Variants in MIPOL1 observed in about 807,000 individuals in gnomAD.
MIPOL1 encodes mirror-image polydactyly 1.
A neutral mutation model predicts 60.9 loss-of-function variants in MIPOL1; 57 were observed. The observed-to-expected ratio is 0.94, with a 90% CI of 0.76 to 1.17. MIPOL1 has a LOEUF of 1.17. Among genes scored for constraint, MIPOL1 ranks in the 50% most tolerant of loss-of-function variants. The pLI is 0.00. For missense variants in MIPOL1, 551 were observed against 511.6 expected, an observed-to-expected ratio of 1.08 and a Z score of -0.74; for synonymous variants, 179 against 168.8, an observed-to-expected ratio of 1.06 and a Z score of -0.47.
rs145433280 is a variant in MIPOL1 at position 37,436,320 on chromosome 14, G to A, written c.1031+13371G>A. Among the ~76,000 whole-genome samples, 760 of 152,164 alleles carry A rather than the reference G, an allele frequency of 5.0e-3. 5 individuals are homozygous for A. Among genetic ancestry groups the A allele is most frequent in the African/African-American group, 0.017 (717 of 41,526 alleles). On this transcript the variant is annotated intron_variant, in intron 11 of 12. Coordinates refer to ENST00000684589, the MANE Select transcript of MIPOL1 (RefSeq NM_001388067.1). The stretch of plus-strand genomic sequence containing the variant: ...CTATAGTCAGAAATGATAAGGAGAG[G>A]AGAGAATTCCTTCATATTTCAATAA...
chr14:37,483,955 A>C (rs1008360135), intron 11 of MIPOL1, among the ~76,000 whole-genome samples: 27 of 152,178 alleles, frequency 1.8e-4, no homozygotes, highest in African/African-American at 6.3e-4. Flanking sequence ...TTTTTCAAAG[A>C]AATGTCTGCA....
At chr14:37,285,508 G>C in intron 7 of MIPOL1, 61 bp downstream of exon 7, 3 of 1,526,248 alleles carry the variant, frequency 2.0e-6, no homozygotes, top group Non-Finnish European at 2.7e-6. Context: ...CATGCTTTAG[G>C]TGGTAGTTAC....
chr14:37,293,748 G>A (rs2085327073), intron 7 of MIPOL1, among the ~76,000 whole-genome samples: 1 of 152,212 alleles, frequency 6.6e-6, no homozygotes, highest in Admixed American at 6.5e-5. Flanking sequence ...CAAGGTGGCA[G>A]CGAGGCTTTG....
intron 9 of MIPOL1, among the ~76,000 whole-genome samples, chr14:37,328,881 C>T (rs2089434501): frequency 1.3e-5 from 2 of 152,078 alleles, no homozygotes. Context: ...AGAGAAGTGT[C>T]ACTGGAAGTG....
At chr14:37,321,223 T>A (rs191211592) in intron 9 of MIPOL1, among the ~76,000 whole-genome samples, 216 of 152,168 alleles carry the variant, frequency 1.4e-3, no homozygotes, top group African/African-American at 4.8e-3. Context: ...ATTACTTTTT[T>A]CTTTATATAC....
intron 10 of MIPOL1, among the ~76,000 whole-genome samples, chr14:37,419,108 C>G (rs1240363246): frequency 6.6e-6 from 1 of 152,018 alleles, no homozygotes; most frequent in East Asian, 1.9e-4. Context: ...AAATGTCTAA[C>G]AGGTAAGTGG....
chr14:37,244,312 G>A (rs1225134313), intron 1 of MIPOL1, among the ~76,000 whole-genome samples: 1 of 151,102 alleles, frequency 6.6e-6, no homozygotes, highest in East Asian at 1.9e-4. Flanking sequence ...TAGTAGAGAC[G>A]GGGTTTCACC....
chr14:37,444,054 G>A (rs760888239), intron 11 of MIPOL1, among the ~76,000 whole-genome samples: 1 of 152,072 alleles, frequency 6.6e-6, no homozygotes, highest in Non-Finnish European at 1.5e-5. Context: ...CAAGAACAAA[G>A]CAAGGATGAT....
intron 9 of MIPOL1, among the ~76,000 whole-genome samples, chr14:37,340,045 C>G (rs1379495209): frequency 6.6e-6 from 1 of 152,138 alleles, no homozygotes; most frequent in African/African-American, 2.4e-5. Flanking sequence ...GTTAAAATTT[C>G]AGAAGTTCCC....
At position 37,499,763 on chromosome 14, in the gene MIPOL1, T is replaced by G. The variant is rs1594748662; in HGVS notation, c.1032-145T>G. On this transcript the variant is annotated intron_variant, in intron 11 of 12. Coordinates refer to ENST00000684589, the MANE Select transcript of MIPOL1 (RefSeq NM_001388067.1). ...AGAGAAATTATCAATTATAATGTTG[T>G]GACATAAAAATTATTTTCATTTGCT... 1.3e-5 allele frequency: 6 copies of G among 476,216 alleles called. No homozygotes were observed. The East Asian group carries it at 1.9e-4, about 15-fold the overall frequency. 29.5% of individuals were successfully genotyped at this position (476,216 alleles called of 1,614,324 possible). A position where few individuals can be genotyped will look rare whatever the true frequency, so the allele number is the denominator to read the frequency against.
intron 11 of MIPOL1, among the ~76,000 whole-genome samples, chr14:37,434,764 C>T (rs2153561578): frequency 6.6e-6 from 1 of 150,746 alleles, no homozygotes; most frequent in East Asian, 2.0e-4. Flanking sequence ...GGATCTCTGT[C>T]TTCCACTGAT....
intron 9 of MIPOL1, among the ~76,000 whole-genome samples, chr14:37,341,206 A>G (rs1366327311): frequency 6.6e-6 from 1 of 152,208 alleles, no homozygotes; most frequent in African/African-American, 2.4e-5. Context: ...GACACACCCA[A>G]TGAGCACATG....
intron 10 of MIPOL1, among the ~76,000 whole-genome samples, chr14:37,391,576 A>G (rs1254132243): frequency 1.3e-5 from 2 of 151,836 alleles, no homozygotes; most frequent in Non-Finnish European, 2.9e-5. Context: ...TTTTATTTTT[A>G]GTAGAAACGG....
At chr14:37,329,021 G>A (rs1254613461) in intron 9 of MIPOL1, among the ~76,000 whole-genome samples, 2 of 152,086 alleles carry the variant, frequency 1.3e-5, no homozygotes, top group African/African-American at 4.8e-5. Flanking sequence ...GCAGGTAAGG[G>A]AAAGAGCTAA....
chr14:37,496,820 C>G lies in MIPOL1; in HGVS notation c.1032-3088C>G, dbSNP rs182953045. Among the ~76,000 whole-genome samples, 32 of 152,208 alleles carry G rather than the reference C, an allele frequency of 2.1e-4. 1 individual carries two copies. The highest frequency in any genetic ancestry group is 2.0e-3 in the Admixed American group (31 of 15,286). On this transcript the variant is annotated intron_variant, in intron 11 of 12. Transcript: ENST00000684589. ...AAACTACTTTAAAGTTCGTATGGAACCAAAAAAGAGTCTGCATCGCCAAGT... is the reference window on the plus strand; with the variant it reads ...AAACTACTTTAAAGTTCGTATGGAAGCAAAAAAGAGTCTGCATCGCCAAGT...
chr14:37,315,161 C>A (rs1443323223), intron 9 of MIPOL1, among the ~76,000 whole-genome samples: 1 of 152,040 alleles, frequency 6.6e-6, no homozygotes, highest in Non-Finnish European at 1.5e-5. Flanking sequence ...TGCTCTAAGA[C>A]TTGAAGACTT....
intron 10 of MIPOL1, among the ~76,000 whole-genome samples, chr14:37,408,740 T>C (rs1177836083): frequency 3.3e-5 from 5 of 152,196 alleles, no homozygotes; most frequent in Non-Finnish European, 7.3e-5. Flanking sequence ...GGTTGTGATA[T>C]GTGTTAACTT....
intron 10 of MIPOL1, among the ~76,000 whole-genome samples, chr14:37,386,901 G>A (rs1283924765): frequency 6.6e-6 from 1 of 151,748 alleles, no homozygotes; most frequent in Non-Finnish European, 1.5e-5. Flanking sequence ...TCTAATCCCA[G>A]CTTTTCAATG....
At chr14:37,356,689 C>G (rs1168313798) in intron 9 of MIPOL1, among the ~76,000 whole-genome samples, 1 of 152,198 alleles carries the variant, frequency 6.6e-6, no homozygotes, top group African/African-American at 2.4e-5. Flanking sequence ...GTCCGTCACC[C>G]CTTTCTTTGA....
Sources: gnomAD v4.1 joint callset for allele counts (sites outside exome capture counted in the v4.1 genomes callset) on GRCh38, gnomAD v4.1.1 for gene constraint, MANE v1.5 for transcripts, NCBI Gene and HGNC (gene_info 2026-07-23, HGNC 2026-07-21) for gene names.